Variants in GP6 observed in about 807,000 individuals in gnomAD.
The protein encoded by GP6 is glycoprotein VI platelet, also known as platelet glycoprotein VI.
A neutral mutation model predicts 37.3 loss-of-function variants in GP6; 45 were observed. That is an observed-to-expected ratio of 1.21 (90% CI 0.95 to 1.55). The LOEUF (loss-of-function observed/expected upper bound fraction) is 1.55. Ranked by LOEUF, GP6 falls within the 40% of genes most tolerant of loss-of-function variation. GP6 has a pLI of 0.00. For synonymous variants in GP6, 340 were observed against 316.4 expected, an observed-to-expected ratio of 1.07 and a Z score of -0.79; for missense variants, 813 against 760.2, an observed-to-expected ratio of 1.07 and a Z score of -0.82.
intron 5 of GP6, among the ~76,000 whole-genome samples, chr19:55,019,621 G>A (rs118070819): frequency 2.0e-5 from 3 of 151,378 alleles, no homozygotes; most frequent in African/African-American, 4.9e-5. Flanking sequence ...GAATGAGCTC[G>A]TGTTAGCCTC....
intron 5 of GP6, 164 bp from the exon 6 acceptor site, chr19:55,018,875 A>G (rs2073970888): frequency 1.4e-6 from 1 of 690,150 alleles, no homozygotes; most frequent in South Asian, 1.5e-5. Flanking sequence ...CTTATCTTCC[A>G]TGACCGGCTT....
intron 6 of GP6, among the ~76,000 whole-genome samples, chr19:55,017,912 A>C (rs538554787): frequency 1.0e-3 from 151 of 147,338 alleles, no homozygotes; most frequent in African/African-American, 3.6e-3. Context: ...CTACTAAAAT[A>C]CAAAAATTAG....
Position 55,014,270 on chromosome 19 carries a change from A to T in GP6, c.1675T>A (p.Leu559Ile). ...AGGGATGCACCACCACACCTGGCTA[A>T]TTTTTGTGTTTTTTTGTTTTGTTGG... The change falls in exon 8 of 8, where the codon TTA (leucine) becomes ATA (isoleucine). Residue 559 changes from leucine to isoleucine, a missense_variant. Transcript: ENST00000310373. 1 of 1,246,498 alleles carries T rather than the reference A, an allele frequency of 8.0e-7. No homozygotes were observed. Among genetic ancestry groups the T allele is most frequent in the Non-Finnish European group, 1.2e-6 (1 of 853,202 alleles). The allele number at this position is 1,246,498 out of a possible 1,614,324, so 77.2% of individuals were successfully genotyped here.
chr19:55,032,789 G>T, intron 1 of GP6: 1 of 616,280 alleles, frequency 1.6e-6, no homozygotes, highest in Non-Finnish European at 2.9e-6. Flanking sequence ...CAGATCCATG[G>T]CTGGGGGTGG....
chr19:55,033,733 A>C (rs1427924879), intron 1 of GP6, among the ~76,000 whole-genome samples: 1 of 152,134 alleles, frequency 6.6e-6, no homozygotes, highest in Non-Finnish European at 1.5e-5. Flanking sequence ...ATATTATTGT[A>C]TTTTATTGTC....
intron 3 of GP6, among the ~76,000 whole-genome samples, chr19:55,031,045 A>G (rs766140808): frequency 6.6e-6 from 1 of 151,814 alleles, no homozygotes; most frequent in Non-Finnish European, 1.5e-5. Context: ...ATGAGGTCTC[A>G]CTATGTTGCC....
intron 7 of GP6, 30 bp downstream of exon 7, chr19:55,015,652 GA>G: frequency 7.2e-7 from 1 of 1,385,850 alleles, no homozygotes; most frequent in Non-Finnish European, 1.0e-6. Flanking sequence ...GGGTGAGAAG[GA>G]AGGGGGTCTG....
Position 55,027,664 on chromosome 19 carries a change from C to A in GP6, c.524G>T (p.Ser175Ile), listed in dbSNP as rs387906919. ...GAAGCTGTAGCATCGGTAGGTTCCGCTGTGGGCGGCGGTCACCGTGATGAT... is the reference window on the plus strand; with the variant it reads ...GAAGCTGTAGCATCGGTAGGTTCCGATGTGGGCGGCGGTCACCGTGATGAT... The change falls in exon 4 of 8, where the codon AGC (serine) becomes ATC (isoleucine). Residue 175 changes from serine (S) to isoleucine (I), a missense_variant. Physicochemically the swap from Ser to Ile is moderately radical, Grantham distance 142. Coordinates refer to ENST00000310373, the MANE Select transcript of GP6 (RefSeq NM_001083899.2). The A allele has an allele frequency of 6.2e-7, 1 of 1,612,898 alleles. No individual in the cohort carries two copies. The highest frequency in any genetic ancestry group is 2.2e-5 in the East Asian group (1 of 44,874).
At chr19:55,037,603 T>TGTAA (rs2074881924) in intron 1 of GP6, among the ~76,000 whole-genome samples, 1 of 139,202 alleles carries the variant, frequency 7.2e-6, no homozygotes, top group Non-Finnish European at 1.5e-5. Context: ...TCCCAAAGTG[T>TGTAA]GTAAGCCATG....
intron 5 of GP6, among the ~76,000 whole-genome samples, chr19:55,023,567 C>A (rs894606644): frequency 2.0e-5 from 3 of 152,182 alleles, no homozygotes; most frequent in African/African-American, 7.2e-5. Context: ...ACAGCTACCC[C>A]CTCTTTGCCT....
chr19:55,038,052 C>T (rs1351649708), intron 1 of GP6, 151 bp downstream of exon 1: 2 of 722,244 alleles, frequency 2.8e-6, no homozygotes, highest in East Asian at 5.4e-5. Context: ...AGCTCGCTGG[C>T]CCCCCGTTTC....
rs2074494761 is a variant in GP6, at chr19:55,029,844, A to G, written c.326-1982T>C. Among the ~76,000 whole-genome samples, 3 of 63,096 alleles carry G rather than the reference A, an allele frequency of 4.8e-5. No individual in the cohort carries two copies. The South Asian group carries it at 1.5e-3, about 32-fold the overall frequency. 41.4% of individuals were successfully genotyped at this position (63,096 alleles called of 152,430 possible). On this transcript the variant is annotated intron_variant, in intron 3 of 7. Transcript: ENST00000310373. ...CCCTGAAAGAAGTAATGAGGCAGCC[A>G]GGCTGGTCCATTCTAGTAGCAGAGA...
chr19:55,019,880 G>A (rs1046105880), intron 5 of GP6, among the ~76,000 whole-genome samples: 15 of 151,368 alleles, frequency 9.9e-5, no homozygotes, highest in Non-Finnish European at 1.6e-4. Flanking sequence ...GGGTTTCACC[G>A]TGTTAGCCAG....
chr19:55,035,256 C>T (rs1217067911), intron 1 of GP6, among the ~76,000 whole-genome samples: 3 of 151,992 alleles, frequency 2.0e-5, no homozygotes, highest in Non-Finnish European at 2.9e-5. Flanking sequence ...GAGTAGAGAG[C>T]ACAGTGGTGG....
chr19:55,029,348 ATATATATATATATATATATATATATATT>A (rs1568628714), intron 3 of GP6, among the ~76,000 whole-genome samples: 48 of 2,774 alleles, frequency 0.017, no homozygotes, highest in East Asian at 0.05. Flanking sequence ...ATATATATAT[ATATATATATATATATATATATATATATT>A]TTTTTTTTTT....
At chr19:55,025,343 C>T (rs564590349) in intron 4 of GP6, 72 bp from the exon 5 acceptor site, 46 of 932,226 alleles carry the variant, frequency 4.9e-5, no homozygotes, top group East Asian at 7.9e-5. Flanking sequence ...GAAACATCTC[C>T]GTGACTGAGT....
rs1323748622 is a variant in GP6 at position 55,032,275 on chromosome 19, A to G, written c.189T>C (p.Ser63=). The stretch of plus-strand genomic sequence containing the variant: ...CTGCCTGATCCTGGTACCTGCTGGA[A>G]CTCAGCTTCTCCAGGCGGTACAGGT... The change falls in exon 3 of 8, where the codon AGT becomes AGC. Residue 63 remains serine (S), a synonymous_variant. Coordinates refer to ENST00000310373, the MANE Select transcript of GP6 (RefSeq NM_001083899.2). The G allele has an allele frequency of 6.2e-7, 1 of 1,614,160 alleles. No individual in the cohort carries two copies. Among genetic ancestry groups the G allele is most frequent in the Non-Finnish European group, 8.5e-7 (1 of 1,180,022 alleles).
intron 5 of GP6, among the ~76,000 whole-genome samples, chr19:55,024,877 TGTTGGTTG>T (rs10526819): frequency 0.011 from 1,701 of 150,696 alleles, 31 homozygotes; most frequent in African/African-American, 0.037. Flanking sequence ...TCTACAGGTT[TGTTGGTTG>T]GTTGGTTGGT....
At chr19:55,028,003 A>C in intron 3 of GP6, 141 bp from the exon 4 acceptor site, 1 of 826,024 alleles carries the variant, frequency 1.2e-6, no homozygotes, top group South Asian at 1.4e-5. Context: ...ACCCAAGCTC[A>C]CAGAGAGGTC....
Sources: gnomAD v4.1 joint callset for allele counts (sites outside exome capture counted in the v4.1 genomes callset) on GRCh38, gnomAD v4.1.1 for gene constraint, MANE v1.5 for transcripts, NCBI Gene and HGNC (gene_info 2026-07-23, HGNC 2026-07-21) for gene names.